Variants in NEK10 observed in about 807,000 individuals in gnomAD.
NEK10 encodes NIMA related kinase 10.
Under a neutral mutation model 159.8 loss-of-function variants are expected in NEK10, and 122 were observed. The observed-to-expected ratio is 0.76, with a 90% CI of 0.66 to 0.89. The LOEUF (loss-of-function observed/expected upper bound fraction) is 0.89. Ranked by LOEUF, NEK10 falls within the 40% of genes least tolerant of loss-of-function variation. NEK10 has a pLI of 0.00. For missense variants in NEK10, 1,342 were observed against 1,323.1 expected (o/e 1.01, Z -0.22); for synonymous variants, 466 against 457.1 (o/e 1.02, Z -0.25).
chr3:27,202,241 G>A (rs952352530), intron 24 of NEK10, among the ~76,000 whole-genome samples, 187 bp downstream of exon 24: 2 of 151,798 alleles, frequency 1.3e-5, no homozygotes, highest in African/African-American at 4.8e-5. Flanking sequence ...ATTATAGAGG[G>A]AAATAAGCCA....
chr3:27,304,096 C>T (rs1192940144), intron 12 of NEK10, among the ~76,000 whole-genome samples: 1 of 152,170 alleles, frequency 6.6e-6, no homozygotes, highest in Middle Eastern at 3.2e-3. Flanking sequence ...GGGAACAAAA[C>T]TATCCATTCT....
chr3:27,303,440 A>G (rs1414452802), intron 12 of NEK10, among the ~76,000 whole-genome samples: 1 of 152,200 alleles, frequency 6.6e-6, no homozygotes, highest in African/African-American at 2.4e-5. Flanking sequence ...AAGAATAACC[A>G]CCACCATGAT....
chr3:27,348,442 A>T (rs537809574), intron 3 of NEK10, among the ~76,000 whole-genome samples: 2 of 152,352 alleles, frequency 1.3e-5, no homozygotes, highest in Non-Finnish European at 2.9e-5. Context: ...TGCAAAGACC[A>T]GGAACCTAAT....
At chr3:27,120,031 A>G (rs778590267) in intron 32 of NEK10, among the ~76,000 whole-genome samples, 163 bp from the exon 33 acceptor site, 15 of 152,236 alleles carry the variant, frequency 9.9e-5, no homozygotes, top group Non-Finnish European at 1.9e-4. Context: ...TCTTCTTTCC[A>G]AAAGAATTTA....
chr3:27,362,862 A>G (rs995490700), intron 1 of NEK10, among the ~76,000 whole-genome samples: 3 of 151,908 alleles, frequency 2.0e-5, no homozygotes, highest in Non-Finnish European at 4.4e-5. Context: ...TACCATTATC[A>G]CTTCCTAAAT....
chr3:27,227,730 T>C (rs527319498), intron 23 of NEK10, among the ~76,000 whole-genome samples: 3 of 152,336 alleles, frequency 2.0e-5, no homozygotes, highest in Admixed American at 6.5e-5. Flanking sequence ...CAAGGAAACA[T>C]TTATTTTATT....
At chr3:27,112,376 C>T (rs1939698708) in intron 35 of NEK10, among the ~76,000 whole-genome samples, 1 of 152,170 alleles carries the variant, frequency 6.6e-6, no homozygotes, top group South Asian at 2.1e-4. Context: ...GTGTACTATT[C>T]AAACTGATAG....
chr3:27,308,665 A>G (rs934675930), intron 10 of NEK10, among the ~76,000 whole-genome samples: 4 of 152,222 alleles, frequency 2.6e-5, no homozygotes, highest in Non-Finnish European at 4.4e-5. Context: ...TTTTGAAATT[A>G]GAAGTAACTG....
chr3:27,279,892 G>A lies in NEK10; in HGVS notation c.2014+4710C>T, dbSNP rs146582900. On this transcript the variant is annotated intron_variant, in intron 22 of 35. Transcript: ENST00000691995. ...CGGCCTTAAAATCTGGAAGTAGGCC[G>A]AGCGCGGTGGCTCACGCCTGTAATC... is the stretch of plus-strand genomic sequence containing the variant. Among the ~76,000 whole-genome samples, 1,036 of 152,082 alleles carry A rather than the reference G, an allele frequency of 6.8e-3. 51 individuals carry two copies. The highest frequency in any genetic ancestry group is 0.055 in the Admixed American group (841 of 15,272).
At chr3:27,188,014 A>T (rs1948775731) in intron 26 of NEK10, among the ~76,000 whole-genome samples, 1 of 152,196 alleles carries the variant, frequency 6.6e-6, no homozygotes, top group African/African-American at 2.4e-5. Context: ...AGCTGGATGA[A>T]CTTGGACAAG....
At chr3:27,354,164 T>C (rs1016136702) in intron 1 of NEK10, among the ~76,000 whole-genome samples, 2 of 152,110 alleles carry the variant, frequency 1.3e-5, no homozygotes, top group African/African-American at 2.4e-5. Flanking sequence ...AGCTACAGAC[T>C]ATAGTTTAGA....
At chr3:27,123,970 T>C (rs1285086928) in intron 32 of NEK10, among the ~76,000 whole-genome samples, 1 of 152,060 alleles carries the variant, frequency 6.6e-6, no homozygotes, top group African/African-American at 2.4e-5. Context: ...GAGTTAGACC[T>C]GATTTTGGCA....
intron 30 of NEK10, among the ~76,000 whole-genome samples, chr3:27,147,672 C>T (rs1944433295): frequency 6.6e-6 from 1 of 151,508 alleles, no homozygotes; most frequent in Non-Finnish European, 1.5e-5. Flanking sequence ...ATTTAACTAA[C>T]AATCTACACC....
chr3:27,365,057 G>A (rs2048960463), intron 1 of NEK10, among the ~76,000 whole-genome samples: 1 of 152,172 alleles, frequency 6.6e-6, no homozygotes, highest in East Asian at 1.9e-4. Context: ...ATCTAATGCA[G>A]TACTAACTCT....
intron 1 of NEK10, among the ~76,000 whole-genome samples, chr3:27,368,556 G>A (rs1575980319): frequency 6.6e-6 from 1 of 152,192 alleles, no homozygotes; most frequent in Non-Finnish European, 1.5e-5. Context: ...AGCAGTAAGT[G>A]TCATGGATGT....
intron 26 of NEK10, among the ~76,000 whole-genome samples, chr3:27,188,660 TTCAGTCTCCCTGGAA>T (rs1324232070): frequency 6.6e-6 from 1 of 152,188 alleles, no homozygotes; most frequent in Non-Finnish European, 1.5e-5. Context: ...ATTAATTCTC[TTCAGTCTCCCTGGAA>T]CACTCAATTC....
intron 22 of NEK10, among the ~76,000 whole-genome samples, chr3:27,281,942 G>A (rs2042191206): frequency 6.6e-6 from 1 of 151,956 alleles, no homozygotes; most frequent in Non-Finnish European, 1.5e-5. Context: ...GTAAATAATA[G>A]GTACAAAGAA....
chr3:27,322,186 T>A lies in NEK10; in HGVS notation c.438A>T (p.Pro146=). The change falls in exon 6 of 36, where the codon CCA becomes CCT. Residue 146 remains proline, a synonymous_variant. Coordinates refer to ENST00000691995, the MANE Select transcript of NEK10 (RefSeq NM_001394966.1). ...LICLRLLMRD[P]CYQEILHSLG... ...TATTTTTCCAACCAACCTGATAACA[T>A]GGATCCCTCATTAGTAGCCTCAGAC... 6.5e-7 allele frequency: 1 copy of A among 1,541,260 alleles called. No individual in the cohort carries two copies. The highest frequency in any genetic ancestry group is 8.8e-7 in the Non-Finnish European group (1 of 1,132,242).
chr3:27,150,985 C>T (rs1242007128), intron 30 of NEK10, among the ~76,000 whole-genome samples: 1 of 152,190 alleles, frequency 6.6e-6, no homozygotes, highest in Non-Finnish European at 1.5e-5. Context: ...ACCCCAAATG[C>T]TCCAGCTGCA....
Sources: allele counts gnomAD v4.1 joint callset (sites outside exome capture counted in the v4.1 genomes callset), GRCh38; gene constraint gnomAD v4.1.1; transcripts MANE v1.5; gene names NCBI Gene and HGNC (gene_info 2026-07-23, HGNC 2026-07-21).